ZNF232: variants seen among roughly 807,000 people sequenced by gnomAD.
The protein encoded by ZNF232 is zinc finger protein 232.
In ZNF232, 25 loss-of-function variants were observed where a neutral mutation model predicts 25.2. The ratio of observed to expected loss-of-function variants is 0.99; its 90% confidence interval spans 0.72 to 1.39. The LOEUF (loss-of-function observed/expected upper bound fraction) is 1.39, where lower values mean the gene tolerates loss of function less well. Ranked by LOEUF, ZNF232 falls within the 40% of genes most tolerant of loss-of-function variation. ZNF232 has a pLI of 0.00. For missense variants in ZNF232, 519 were observed against 520.9 expected (o/e 1.00, Z 0.04); for synonymous variants, 193 against 182.9 (o/e 1.06, Z -0.45).
At chr17:5,109,926 G>A (rs1209899638) in intron 1 of ZNF232, 58 bp from the exon 2 acceptor site, 11 of 1,490,346 alleles carry the variant, frequency 7.4e-6, no homozygotes, top group Non-Finnish European at 8.9e-6. Context: ...GTCTTTCTCT[G>A]TTACCCAGGC....
chr17:5,112,654 A>G (rs1452677979), upstream of ZNF232, among the ~76,000 whole-genome samples: 11 of 150,156 alleles, frequency 7.3e-5, no homozygotes, highest in South Asian at 8.4e-4. Context: ...GCGTTTCACC[A>G]TATTAGCCAG....
chr17:5,111,812 G>C, exon 1 of ZNF232: 5 of 1,613,868 alleles, frequency 3.1e-6, no homozygotes, highest in Non-Finnish European at 3.4e-6. Context: ...CACAGGACCA[G>C]GAGGTTCCAT....
exon 2 of ZNF232, chr17:5,109,525 C>T: frequency 6.2e-7 from 1 of 1,614,222 alleles, no homozygotes; most frequent in South Asian, 1.1e-5. Flanking sequence ...TGTTCCAGCA[C>T]CAGGAACTCC....
intron 1 of ZNF232, among the ~76,000 whole-genome samples, chr17:5,117,612 C>T (rs1183064855): frequency 6.6e-6 from 1 of 151,842 alleles, no homozygotes; most frequent in African/African-American, 2.4e-5. Flanking sequence ...CTTTGGACTT[C>T]AGGCTGAAGT....
At chr17:5,108,601 T>C (rs1275458534) in intron 3 of ZNF232, among the ~76,000 whole-genome samples, 2 of 152,072 alleles carry the variant, frequency 1.3e-5, no homozygotes, top group Non-Finnish European at 2.9e-5. Flanking sequence ...GCAGTGGAGA[T>C]GATAAGGCAT....
chr17:5,115,913 C>T (rs553230159), upstream of ZNF232, among the ~76,000 whole-genome samples: 4 of 152,322 alleles, frequency 2.6e-5, no homozygotes, highest in South Asian at 6.2e-4. Flanking sequence ...AAAGCCTCCC[C>T]GGCCGTCAAG....
upstream of ZNF232, among the ~76,000 whole-genome samples, chr17:5,115,376 A>C (rs1265337102): frequency 6.6e-6 from 1 of 151,972 alleles, no homozygotes; most frequent in East Asian, 1.9e-4. Flanking sequence ...ACATGGTGAA[A>C]CCCTCTCTCT....
chr17:5,122,383 A>T (rs1184629217), intron 1 of ZNF232, among the ~76,000 whole-genome samples: 2 of 152,152 alleles, frequency 1.3e-5, no homozygotes, highest in Non-Finnish European at 2.9e-5. Flanking sequence ...TCGGGTTTGC[A>T]GGTGGGAAGG....
At chr17:5,109,428 T>A in exon 2 of ZNF232, 2 of 1,613,952 alleles carry the variant, frequency 1.2e-6, no homozygotes, top group Non-Finnish European at 1.7e-6. Flanking sequence ...CTCTAAATCC[T>A]CCAGCACAGT....
intron 1 of ZNF232, among the ~76,000 whole-genome samples, chr17:5,117,502 C>T (rs533204382): frequency 1.3e-3 from 184 of 142,110 alleles, no homozygotes; most frequent in African/African-American, 4.5e-3. Context: ...GGCGACAGAG[C>T]GAGACTCCGT....
chr17:5,108,265 G>A (rs1014355249), intron 3 of ZNF232, among the ~76,000 whole-genome samples: 2 of 152,230 alleles, frequency 1.3e-5, no homozygotes, highest in African/African-American at 4.8e-5. Flanking sequence ...AGGTCAACAA[G>A]GAGAGTTCAC....
In ZNF232 at chr17:5,111,314, G is replaced by A. The variant is rs781757939; in HGVS notation, c.23+486C>T. 5 of 166,296 alleles carry A rather than the reference G, an allele frequency of 3.0e-5. No individual in the cohort carries two copies. The South Asian group carries it at 9.7e-4, about 32-fold the overall frequency. The allele number at this position is 166,296 out of a possible 1,614,324, so 10.3% of individuals were successfully genotyped here. On this transcript the variant is annotated intron_variant, in intron 1 of 3. Transcript: ENST00000575898. The stretch of plus-strand genomic sequence containing the variant: ...TTTGTCATAGTAAGTTTGGGGTCCT[G>A]AGATTTTATTTTCCTTTCACACAGG...
chr17:5,110,817 C>T (rs2072387133), intron 1 of ZNF232, among the ~76,000 whole-genome samples: 1 of 152,154 alleles, frequency 6.6e-6, no homozygotes, highest in Non-Finnish European at 1.5e-5. Context: ...GAAAAAGACA[C>T]ACAAGCCACA....
intron 1 of ZNF232, among the ~76,000 whole-genome samples, chr17:5,119,381 G>C (rs987488153): frequency 3.9e-5 from 6 of 152,196 alleles, no homozygotes; most frequent in African/African-American, 1.4e-4. Flanking sequence ...GCTTTGAATA[G>C]GTGGGCTTTT....
At chr17:5,122,623 C>CGGAACGG (rs1215567544) in intron 1 of ZNF232, among the ~76,000 whole-genome samples, 3 of 152,330 alleles carry the variant, frequency 2.0e-5, no homozygotes, top group Admixed American at 1.3e-4. Context: ...GGGGCCCTCC[C>CGGAACGG]GGAACGGCCG....
rs772589284 is a variant in ZNF232 at position 5,106,415 on chromosome 17, T to G, written c.717A>C (p.Lys239Asn). 5.6e-6 allele frequency: 9 copies of G among 1,614,182 alleles called. No individual in the cohort carries two copies. ...CAAATGTAGAGGTGTCAGTAGCAAG[T>G]TTTTCTGAGAACACCTGTGATTCCA... The change falls in exon 4 of 4, where the codon AAA becomes AAC. Residue 239 changes from lysine (K) to asparagine (N), a missense_variant. By Grantham distance (94) the Lys-to-Asn change is moderately conservative. Coordinates refer to ENST00000575898, the Ensembl canonical transcript of ZNF232.
intron 1 of ZNF232, 48 bp from the exon 2 acceptor site, chr17:5,109,916 GT>G: frequency 1.3e-6 from 2 of 1,509,260 alleles, no homozygotes; most frequent in South Asian, 2.7e-5. Flanking sequence ...TTAAGACAGA[GT>G]CTTTCTCTGT....
intron 1 of ZNF232, 167 bp downstream of exon 1, chr17:5,111,633 C>A (rs2072412981): frequency 1.0e-6 from 1 of 979,104 alleles, no homozygotes; most frequent in East Asian, 2.7e-5. Flanking sequence ...TGACGCGACG[C>A]AACGCAGGTA....
rs569771580 is a variant in ZNF232, at chr17:5,117,510, C to T, written c.-529-5159G>A. Among the ~76,000 whole-genome samples the T allele has an allele frequency of 9.0e-5, 13 of 144,342 alleles. No homozygotes were observed. In the South Asian group the frequency reaches 2.0e-3, roughly 22 times the overall value. 94.7% of individuals were successfully genotyped at this position (144,342 alleles called of 152,430 possible). The stretch of plus-strand genomic sequence containing the variant: ...CAGCCTGGGCGACAGAGCGAGACTC[C>T]GTCTCAAAAAAAAAAAAAAAAAGCT... On this transcript the variant is annotated intron_variant, in intron 1 of 4. Transcript: ENST00000250076.
Sources: gnomAD v4.1 joint callset for allele counts (sites outside exome capture counted in the v4.1 genomes callset) on GRCh38, gnomAD v4.1.1 for gene constraint, MANE v1.5 for transcripts, NCBI Gene and HGNC (gene_info 2026-07-23, HGNC 2026-07-21) for gene names.